The following OCA2 variants were observed in gnomAD, a reference collection of about 807,000 sequenced individuals.
OCA2 encodes the protein P protein.
OCA2 carries 77 observed loss-of-function variants against 100.2 expected under a neutral mutation model. That is an observed-to-expected ratio of 0.77 (90% confidence interval 0.64 to 0.93). OCA2 has a LOEUF of 0.93. Among genes scored for constraint, OCA2 ranks in the 40% least tolerant of loss-of-function variants. OCA2 has a pLI of 0.00. For synonymous variants in OCA2, 432 were observed against 439.2 expected (o/e 0.98, Z 0.21); for missense variants, 1,062 against 1,089.1 (o/e 0.98, Z 0.35).
chr15:27,934,448 T>A (rs1318248717), intron 18 of OCA2, among the ~76,000 whole-genome samples: 1 of 152,228 alleles, frequency 6.6e-6, no homozygotes, highest in Non-Finnish European at 1.5e-5. Flanking sequence ...GGTGATTCCT[T>A]CACCGCTCCT....
the OCA2 span, among the ~76,000 whole-genome samples, chr15:27,742,115 C>T: frequency 1.3e-5 from 2 of 152,168 alleles, no homozygotes; most frequent in Non-Finnish European, 1.5e-5. Context: ...CATTTCAACA[C>T]GTGCTCAGTG....
chr15:27,878,800 C>G (rs2151532382), intron 19 of OCA2, among the ~76,000 whole-genome samples: 1 of 152,204 alleles, frequency 6.6e-6, no homozygotes, highest in South Asian at 2.1e-4. Context: ...CTCTTAATCT[C>G]TTGCTCCTCT....
intron 2 of OCA2, among the ~76,000 whole-genome samples, chr15:28,049,886 G>A (rs78656387): frequency 0.024 from 3,678 of 152,270 alleles, 93 homozygotes; most frequent in African/African-American, 0.063. Flanking sequence ...TGTGCTGATG[G>A]TTGCCCATTA....
At chr15:27,805,919 T>G (rs2033826164) in intron 23 of OCA2, among the ~76,000 whole-genome samples, 1 of 152,204 alleles carries the variant, frequency 6.6e-6, no homozygotes, top group African/African-American at 2.4e-5. Flanking sequence ...AAGAGCACCC[T>G]GGCCTCCGCC....
intron 19 of OCA2, among the ~76,000 whole-genome samples, chr15:27,877,367 T>G (rs1254145075): frequency 2.0e-5 from 3 of 151,876 alleles, no homozygotes; most frequent in Non-Finnish European, 4.4e-5. Context: ...TATTCATAGC[T>G]TCTATGGCTT....
chr15:27,831,302 A>AAAAAAAAAAAAAAAAC (rs2034945213), intron 23 of OCA2, among the ~76,000 whole-genome samples: 2 of 151,390 alleles, frequency 1.3e-5, no homozygotes, highest in Admixed American at 6.6e-5. Flanking sequence ...AAAAAAAAAA[A>AAAAAAAAAAAAAAAAC]AAAATCGGTC....
chr15:27,871,848 T>A lies in OCA2; in HGVS notation c.2139+15A>T, dbSNP rs755442265. ...ACAGTGGCTGGAGTGCCTTCTATTA[T>A]AGCATTTATTTTACCTTTATTAGCA... On this transcript the variant is annotated intron_variant, in intron 20 of 23. Coordinates refer to ENST00000354638, the MANE Select transcript of OCA2 (RefSeq NM_000275.3). 6 of 1,547,048 alleles carry A rather than the reference T, an allele frequency of 3.9e-6. No homozygotes were observed. The highest frequency in any genetic ancestry group is 1.4e-5 in the African/African-American group (1 of 73,578).
At chr15:28,096,545 C>T (rs2044987405) in intron 1 of OCA2, among the ~76,000 whole-genome samples, 1 of 152,210 alleles carries the variant, frequency 6.6e-6, no homozygotes, top group Non-Finnish European at 1.5e-5. Context: ...CTCAGCCGGT[C>T]CTGGGCTGAG....
At chr15:27,930,030 T>G (rs938829629) in intron 18 of OCA2, among the ~76,000 whole-genome samples, 2 of 152,138 alleles carry the variant, frequency 1.3e-5, no homozygotes, top group Non-Finnish European at 2.9e-5. Context: ...TTTCAAGCAC[T>G]GCTGGTGGGA....
the OCA2 span, among the ~76,000 whole-genome samples, chr15:27,736,249 A>G: frequency 6.6e-6 from 1 of 152,260 alleles, no homozygotes. Context: ...TGCTTCTTGC[A>G]ATAGCAGATT....
rs866758294 is a variant in OCA2 at position 28,098,097 on chromosome 15, A to G, written c.-22+1127T>C. 3.3e-5 allele frequency among the ~76,000 whole-genome samples: 5 copies of G among 152,352 alleles called. No homozygotes were observed. The South Asian group carries it at 8.3e-4, about 25-fold the overall frequency. ...AGGGGCTGGAGGTTGCGTTCTTCTC[A>G]TAAAACAAGAACAGTATAGGCATTT... is the stretch of plus-strand genomic sequence containing the variant. On this transcript the variant is annotated intron_variant, in intron 1 of 23. Coordinates refer to ENST00000354638, the MANE Select transcript of OCA2 (RefSeq NM_000275.3).
At chr15:27,970,147 A>G (rs1431565182) in intron 14 of OCA2, among the ~76,000 whole-genome samples, 1 of 152,012 alleles carries the variant, frequency 6.6e-6, no homozygotes, top group African/African-American at 2.4e-5. Flanking sequence ...CCTCTGGCAG[A>G]GACACAGATC....
In OCA2 at chr15:28,081,900, G is replaced by C. The variant is rs1333200990; in HGVS notation, c.-21-5C>G. The stretch of plus-strand genomic sequence containing the variant: ...GCTCCACTGCCAGTCTTCTCTCTAG[G>C]GCAGCCAGAAAGAAACCACTCTTCA... On this transcript the variant is annotated splice_polypyrimidine_tract_variant and splice_region_variant and intron_variant, in intron 1 of 23. Coordinates refer to ENST00000354638, the MANE Select transcript of OCA2 (RefSeq NM_000275.3). The C allele has an allele frequency of 1.9e-6, 3 of 1,596,224 alleles. No individual in the cohort carries two copies. Among genetic ancestry groups the C allele is most frequent in the Middle Eastern group, 3.3e-4 (2 of 5,976 alleles).
intron 16 of OCA2, among the ~76,000 whole-genome samples, chr15:27,955,990 C>T (rs1018430655): frequency 2.6e-5 from 4 of 152,070 alleles, no homozygotes; most frequent in South Asian, 2.1e-4. Flanking sequence ...CAGTCTGGGT[C>T]GTAAGAAATC....
chr15:27,939,797 C>T (rs78344407), intron 18 of OCA2, among the ~76,000 whole-genome samples: 2,704 of 152,288 alleles, frequency 0.018, 88 homozygotes, highest in African/African-American at 0.062. Context: ...AACGAATCAA[C>T]AAGTGAATGA....
At chr15:28,028,713 T>A (rs537588764) in intron 3 of OCA2, among the ~76,000 whole-genome samples, 22 of 152,224 alleles carry the variant, frequency 1.4e-4, no homozygotes, top group African/African-American at 4.3e-4. Flanking sequence ...TGAGACAGAG[T>A]CTTGCTCTGT....
At chr15:27,888,530 C>T (rs961661791) in intron 19 of OCA2, among the ~76,000 whole-genome samples, 3 of 151,926 alleles carry the variant, frequency 2.0e-5, no homozygotes, top group African/African-American at 4.8e-5. Flanking sequence ...CTAAAAATGT[C>T]TCAACAATCA....
intron 23 of OCA2, among the ~76,000 whole-genome samples, chr15:27,808,816 A>G (rs924317): frequency 0.7 from 105,689 of 151,466 alleles, 37,740 homozygotes; most frequent in East Asian, 1. Flanking sequence ...ATCCCTATGG[A>G]ATTGTCACAA....
intron 11 of OCA2, among the ~76,000 whole-genome samples, chr15:27,988,370 G>A (rs565083004): frequency 6.6e-6 from 1 of 152,108 alleles, no homozygotes; most frequent in East Asian, 1.9e-4. Context: ...GGGAATGTGA[G>A]ACTGTATTTG....
Sources: allele counts gnomAD v4.1 joint callset (sites outside exome capture counted in the v4.1 genomes callset), GRCh38; gene constraint gnomAD v4.1.1; transcripts MANE v1.5; gene names NCBI Gene and HGNC (gene_info 2026-07-23, HGNC 2026-07-21).